The following GCNT1 variants were observed in gnomAD, a reference collection of about 807,000 sequenced individuals.
The protein encoded by GCNT1 is glucosaminyl (N-acetyl) transferase 1.
A neutral mutation model predicts 26.2 loss-of-function variants in GCNT1; 16 were observed. The observed-to-expected ratio is 0.61, with a 90% CI of 0.41 to 0.93. The LOEUF (loss-of-function observed/expected upper bound fraction) is 0.93, where lower values mean the gene tolerates loss of function less well. Ranked by LOEUF, GCNT1 falls within the 40% of genes least tolerant of loss-of-function variation. The pLI, the probability that GCNT1 is intolerant of heterozygous loss-of-function variation, is 0.00. For synonymous variants in GCNT1, 183 were observed against 190.8 expected, an observed-to-expected ratio of 0.96 and a Z score of 0.34; for missense variants, 477 against 526.7, an observed-to-expected ratio of 0.91 and a Z score of 0.92.
chr9:76,426,741 C>T (rs1008910567), intron 1 of GCNT1, among the ~76,000 whole-genome samples: 6 of 151,682 alleles, frequency 4.0e-5, no homozygotes, highest in African/African-American at 9.7e-5. Flanking sequence ...ATTAAAAATA[C>T]GAAAAATCAG....
At chr9:76,401,159 G>C in the GCNT1 span, among the ~76,000 whole-genome samples, 2 of 152,228 alleles carry the variant, frequency 1.3e-5, no homozygotes, top group Non-Finnish European at 2.9e-5. Flanking sequence ...CTGGCTGAGT[G>C]TAAGTGTCTT....
intron 2 of GCNT1, among the ~76,000 whole-genome samples, chr9:76,490,566 C>T (rs966159742): frequency 6.6e-6 from 1 of 152,122 alleles, no homozygotes; most frequent in South Asian, 2.1e-4. Flanking sequence ...TAACGTTTAG[C>T]GAACTTTACT....
At position 76,502,999 on chromosome 9, in the gene GCNT1, G is replaced by A; in HGVS notation, c.618G>A (p.Met206Ile). The A allele has an allele frequency of 6.2e-7, 1 of 1,613,578 alleles. No homozygotes were observed. Among genetic ancestry groups the A allele is most frequent in the East Asian group, 2.2e-5 (1 of 44,878 alleles). Residue 206 changes from methionine (M) to isoleucine (I), a missense_variant, in exon 4 of 4, where the codon ATG (methionine) becomes ATA (isoleucine). Transcript: ENST00000376730. The stretch of plus-strand genomic sequence containing the variant: ...ACTGCATGAAGGATCTCTATGCAAT[G>A]AGTGCAAACTGGAAGTACTTGATAA... Reference protein sequence around the residue: ...DLNCMKDLYAMSANWKYLINL... With the variant: ...DLNCMKDLYAISANWKYLINL...
upstream of GCNT1, among the ~76,000 whole-genome samples, chr9:76,455,984 A>T (rs1367180996): frequency 1.3e-5 from 2 of 152,244 alleles, no homozygotes; most frequent in African/African-American, 4.8e-5. Flanking sequence ...ATTAATCATT[A>T]CTATGACAGC....
At chr9:76,408,179 T>C in the GCNT1 span, among the ~76,000 whole-genome samples, 1 of 152,092 alleles carries the variant, frequency 6.6e-6, no homozygotes, top group Admixed American at 6.6e-5. Context: ...TAAAAGGGAG[T>C]GGTAAGAGGG....
intron 2 of GCNT1, among the ~76,000 whole-genome samples, chr9:76,484,892 G>T (rs1189704408): frequency 6.7e-6 from 1 of 150,250 alleles, no homozygotes; most frequent in Non-Finnish European, 1.5e-5. Context: ...AGATTCAAGT[G>T]ATTCTCCTGC....
At chr9:76,454,602 G>A (rs749193640), upstream of GCNT1, among the ~76,000 whole-genome samples, 1 of 151,620 alleles carries the variant, frequency 6.6e-6, no homozygotes, top group Non-Finnish European at 1.5e-5. Context: ...ACGTGGTGAG[G>A]GAGGGGCTTG....
chr9:76,492,313 A>T (rs1824764582), intron 2 of GCNT1, among the ~76,000 whole-genome samples: 1 of 152,172 alleles, frequency 6.6e-6, no homozygotes, highest in South Asian at 2.1e-4. Flanking sequence ...TCCCTAATAA[A>T]GGTATGGGAC....
chr9:76,478,654 A>C (rs1041759991), intron 2 of GCNT1, among the ~76,000 whole-genome samples: 1 of 152,210 alleles, frequency 6.6e-6, no homozygotes, highest in Non-Finnish European at 1.5e-5. Context: ...TTGTACCCTA[A>C]GCCAGAATTT....
At chr9:76,433,479 G>A (rs1363429905) in intron 1 of GCNT1, among the ~76,000 whole-genome samples, 2 of 152,194 alleles carry the variant, frequency 1.3e-5, no homozygotes, top group African/African-American at 4.8e-5. Context: ...TCCACCATGG[G>A]AGTCACTTGC....
At chr9:76,396,766 T>C in the GCNT1 span, among the ~76,000 whole-genome samples, 1 of 152,118 alleles carries the variant, frequency 6.6e-6, no homozygotes, top group East Asian at 1.9e-4. Flanking sequence ...CGCTCGAACC[T>C]GGCGGCAGTT....
intron 2 of GCNT1, among the ~76,000 whole-genome samples, chr9:76,476,908 T>TTTTA (rs1002090350): frequency 3.3e-4 from 50 of 152,240 alleles, no homozygotes; most frequent in Non-Finnish European, 5.3e-4. Context: ...CTTAAATTAA[T>TTTTA]TTTATTTATT....
intron 1 of GCNT1, 71 bp downstream of exon 1, chr9:76,459,376 G>C (rs1214000628): frequency 6.6e-6 from 1 of 152,330 alleles, no homozygotes; most frequent in African/African-American, 2.4e-5. Context: ...AGGATGGGTG[G>C]GAGGGAGCCG....
intron 1 of GCNT1, among the ~76,000 whole-genome samples, chr9:76,428,135 G>A (rs186002319): frequency 6.6e-5 from 10 of 151,108 alleles, no homozygotes; most frequent in African/African-American, 9.7e-5. Flanking sequence ...GCGTGGTGGC[G>A]GGCGCCTGTA....
the GCNT1 span, among the ~76,000 whole-genome samples, chr9:76,403,405 A>G: frequency 2.6e-5 from 4 of 152,356 alleles, no homozygotes; most frequent in African/African-American, 9.6e-5. Flanking sequence ...AACTATGCAA[A>G]TGCAATGTTA....
At chr9:76,470,741 A>C (rs1383842341) in intron 2 of GCNT1, among the ~76,000 whole-genome samples, 1 of 152,158 alleles carries the variant, frequency 6.6e-6, no homozygotes, top group African/African-American at 2.4e-5. Context: ...ATACCCCATA[A>C]ATATATACAA....
rs528485861 is a variant in GCNT1, at chr9:76,507,216, C to T, written c.*3548C>T. 59 of 167,036 alleles carry T rather than the reference C, an allele frequency of 3.5e-4. No homozygotes were observed. Among genetic ancestry groups the T allele is most frequent in the Non-Finnish European group, 6.9e-4 (47 of 68,122 alleles). 10.3% of individuals were successfully genotyped at this position (167,036 alleles called of 1,614,324 possible). On this transcript the variant is annotated 3_prime_UTR_variant, in exon 4 of 4. Coordinates refer to ENST00000376730, the MANE Select transcript of GCNT1 (RefSeq NM_001490.5). ...TATAATTTCTACTGAATGCATATCA[C>T]TTGTGCACTGTTGTAAAGCTGAAAA... is the stretch of plus-strand genomic sequence containing the variant.
intron 2 of GCNT1, among the ~76,000 whole-genome samples, chr9:76,496,274 C>T (rs1824904532): frequency 6.6e-6 from 1 of 152,182 alleles, no homozygotes; most frequent in Non-Finnish European, 1.5e-5. Flanking sequence ...CTAGTGGATA[C>T]TTTGAACAAA....
intron 1 of GCNT1, among the ~76,000 whole-genome samples, chr9:76,421,697 T>G (rs868134522): frequency 0.012 from 1,608 of 138,040 alleles, 67 homozygotes; most frequent in African/African-American, 0.042. Context: ...TTGTTTTTTT[T>G]TTTTTTTTTT....
Sources: allele counts gnomAD v4.1 joint callset (sites outside exome capture counted in the v4.1 genomes callset), GRCh38; gene constraint gnomAD v4.1.1; transcripts MANE v1.5; gene names NCBI Gene and HGNC (gene_info 2026-07-23, HGNC 2026-07-21).